The following PACC1 variants were observed in gnomAD, a reference collection of about 807,000 sequenced individuals.
PACC1 encodes the protein proton-activated chloride channel.
In PACC1, 34 loss-of-function variants were observed where a neutral mutation model predicts 39.7. The ratio of observed to expected loss-of-function variants is 0.86; its 90% CI spans 0.65 to 1.14. PACC1 has a LOEUF of 1.14. Ranked by LOEUF, PACC1 falls within the 50% of genes most tolerant of loss-of-function variation. PACC1 has a pLI of 0.00. For synonymous variants in PACC1, 127 were observed against 160.6 expected, an observed-to-expected ratio of 0.79 and a Z score of 1.58; for missense variants, 379 against 436.4, an observed-to-expected ratio of 0.87 and a Z score of 1.17.
rs1051000793 is a variant in PACC1 at position 212,364,889 on chromosome 1, T to G, written c.*326A>C. 1 of 163,686 alleles carries G rather than the reference T, an allele frequency of 6.1e-6. No homozygotes were observed. The highest frequency in any genetic ancestry group is 1.3e-5 in the Non-Finnish European group (1 of 76,182). The allele number at this position is 163,686 out of a possible 1,614,324, so 10.1% of individuals were successfully genotyped here. On this transcript the variant is annotated 3_prime_UTR_variant, in exon 8 of 8. Transcript: ENST00000261455. ...AGAGCCTTCATTACCCTAGTAGAGC[T>G]TAACCTAATACAATACAATGAACCA...
chr1:212,398,287 G>A lies in PACC1; in HGVS notation c.134-11187C>T, dbSNP rs117046347. 5.3e-5 allele frequency among the ~76,000 whole-genome samples: 8 copies of A among 152,310 alleles called. No individual in the cohort carries two copies. In the East Asian group the frequency reaches 1.5e-3, roughly 29 times the overall value. On this transcript the variant is annotated intron_variant, in intron 2 of 7. Transcript: ENST00000261455. ...ATAGTATCTTTCACATAGTAGGAAT[G>A]TAATGTTTCCATGTTTGTCGAATGA...
intron 4 of PACC1, 126 bp from the exon 5 acceptor site, chr1:212,380,163 A>G: frequency 5.3e-6 from 5 of 941,482 alleles, no homozygotes; most frequent in Non-Finnish European, 7.9e-6. Context: ...AGGGACCACT[A>G]GCCAACAACA....
chr1:212,364,013 C>T lies in PACC1; in HGVS notation c.*1202G>A, dbSNP rs563225384. The T allele has an allele frequency of 6.6e-6, 1 of 152,298 alleles. No homozygotes were observed. Among genetic ancestry groups the T allele is most frequent in the South Asian group, 2.1e-4 (1 of 4,828 alleles). The allele number at this position is 152,298 out of a possible 1,614,324, so 9.4% of individuals were successfully genotyped here. Reference sequence around the variant, plus strand: ...TGCCTATTCATACATTTGAGTTATTCCCTTTGGATTATCGGAAGCCAGATT... The same window carrying T: ...TGCCTATTCATACATTTGAGTTATTTCCTTTGGATTATCGGAAGCCAGATT... On this transcript the variant is annotated 3_prime_UTR_variant, in exon 8 of 8. Coordinates refer to ENST00000261455, the MANE Select transcript of PACC1 (RefSeq NM_018252.3).
chr1:212,367,272 T>G (rs1660279576), intron 7 of PACC1, among the ~76,000 whole-genome samples: 1 of 152,048 alleles, frequency 6.6e-6, no homozygotes, highest in Non-Finnish European at 1.5e-5. Flanking sequence ...AAAGACACAC[T>G]GAAGAAGAGT....
chr1:212,371,927 C>G (rs1414269205), intron 7 of PACC1, among the ~76,000 whole-genome samples: 1 of 152,082 alleles, frequency 6.6e-6, no homozygotes, highest in Non-Finnish European at 1.5e-5. Context: ...GAACAAAAAT[C>G]ATGTAATCAT....
At position 212,365,272 on chromosome 1, in the gene PACC1, G is replaced by C. The variant is rs771335748; in HGVS notation, c.996C>G (p.Ile332Met). The C allele has an allele frequency of 6.2e-7, 1 of 1,613,010 alleles. No individual in the cohort carries two copies. Among genetic ancestry groups the C allele is most frequent in the South Asian group, 1.1e-5 (1 of 90,964 alleles). ...EFAKLSIKWM[I>M]KIRKRYLKRR... Reference sequence around the variant, plus strand: ...TTTTAAGGTATCTCTTTCTAATTTTGATCATCCATTTTATACTCAGTTTGG... The same window carrying C: ...TTTTAAGGTATCTCTTTCTAATTTTCATCATCCATTTTATACTCAGTTTGG... Residue 332 changes from isoleucine to methionine, a missense_variant, in exon 8 of 8, where the codon ATC becomes ATG. Ile to Met is a conservative substitution (Grantham distance 10). Transcript: ENST00000261455.
intron 3 of PACC1, 81 bp from the exon 4 acceptor site, chr1:212,385,506 A>C (rs1481715247): frequency 2.0e-6 from 3 of 1,470,878 alleles, no homozygotes; most frequent in Non-Finnish European, 2.8e-6. Context: ...ACCTACCAAC[A>C]ACCTACGTTC....
At chr1:212,383,784 C>G (rs1458896075) in intron 4 of PACC1, among the ~76,000 whole-genome samples, 1 of 152,222 alleles carries the variant, frequency 6.6e-6, no homozygotes, top group Non-Finnish European at 1.5e-5. Flanking sequence ...GTGTTTTACT[C>G]TGGGAAGAGT....
chr1:212,383,060 C>A lies in PACC1; in HGVS notation c.495+2214G>T, dbSNP rs149404290. Among the ~76,000 whole-genome samples the A allele has an allele frequency of 5.3e-5, 8 of 152,330 alleles. No homozygotes were observed. The East Asian group carries it at 1.5e-3, about 29-fold the overall frequency. ...CATATTCTTCCTCCACTGCTATATGCTGGTTTGGGTAGGAAACTTGGTGGA... is the reference window on the plus strand; with the variant it reads ...CATATTCTTCCTCCACTGCTATATGATGGTTTGGGTAGGAAACTTGGTGGA... On this transcript the variant is annotated intron_variant, in intron 4 of 7. Transcript: ENST00000261455.
At position 212,365,253 on chromosome 1, in the gene PACC1, G is replaced by A; in HGVS notation, c.1015C>T (p.Leu339Phe). The A allele has an allele frequency of 6.2e-7, 1 of 1,613,684 alleles. No individual in the cohort carries two copies. Among genetic ancestry groups the A allele is most frequent in the South Asian group, 1.1e-5 (1 of 91,050 alleles). The part of the protein sequence containing the change: ...KWMIKIRKRY[L>F]KRRGQATSHI... ...CTCGTTGCCTGACCTCTTCTTTTAA[G>A]GTATCTCTTTCTAATTTTGATCATC... Residue 339 changes from leucine (L) to phenylalanine (F), a missense_variant, in exon 8 of 8, where the codon CTT becomes TTT. Physicochemically the swap from Leu to Phe is conservative, Grantham distance 22 (BLOSUM62 0). Transcript: ENST00000261455.
intron 1 of PACC1, 51 bp downstream of exon 1, chr1:212,414,671 G>C (rs1230607713): frequency 5.0e-6 from 8 of 1,609,562 alleles, no homozygotes; most frequent in Non-Finnish European, 1.7e-6. Flanking sequence ...AGGCCCCCGG[G>C]ACCCTGCTCC....
Position 212,386,789 on chromosome 1 carries a change from C to T in PACC1, c.343+102G>A. On this transcript the variant is annotated intron_variant, in intron 3 of 7. Transcript: ENST00000261455. This position sits in a 1 kb window ranked among gnomAD's most constrained non-coding sequence, Gnocchi z 5.0. ...GACTATGCTTGGTTGGACTCCTCTG[C>T]CCTGCCCGTAGTACCACAAATACAA... 1 of 1,183,450 alleles carries T rather than the reference C, an allele frequency of 8.4e-7. No individual in the cohort carries two copies. The allele number at this position is 1,183,450 out of a possible 1,614,324, so 73.3% of individuals were successfully genotyped here.
rs574254418 is a variant in PACC1 at position 212,395,687 on chromosome 1, A to T, written c.134-8587T>A. Among the ~76,000 whole-genome samples, 356 of 152,258 alleles carry T rather than the reference A, an allele frequency of 2.3e-3. 1 individual carries two copies. The highest frequency in any genetic ancestry group is 4.2e-3 in the Non-Finnish European group (285 of 68,014). On this transcript the variant is annotated intron_variant, in intron 2 of 7. Coordinates refer to ENST00000261455, the MANE Select transcript of PACC1 (RefSeq NM_018252.3). Reference sequence around the variant, plus strand: ...GGGAGAAAATTTTTGCAATCTACTCATCTGACAAAGGGCTAATATCCAGAA... The same window carrying T: ...GGGAGAAAATTTTTGCAATCTACTCTTCTGACAAAGGGCTAATATCCAGAA...
intron 6 of PACC1, among the ~76,000 whole-genome samples, chr1:212,376,120 T>A (rs1332713551): frequency 6.6e-6 from 1 of 152,110 alleles, no homozygotes; most frequent in Non-Finnish European, 1.5e-5. Context: ...TGAGATCTGG[T>A]TGTCAATTAC....
At chr1:212,400,332 T>C (rs1206521150) in intron 2 of PACC1, among the ~76,000 whole-genome samples, 1 of 152,206 alleles carries the variant, frequency 6.6e-6, no homozygotes, top group Non-Finnish European at 1.5e-5. Flanking sequence ...TACATGTTCC[T>C]GAAAATTCTA....
chr1:212,385,663 C>T lies in PACC1; in HGVS notation c.344-238G>A, dbSNP rs887470499. Among the ~76,000 whole-genome samples, 4 of 152,280 alleles carry T rather than the reference C, an allele frequency of 2.6e-5. No individual in the cohort carries two copies. In the East Asian group the frequency reaches 7.7e-4, roughly 29 times the overall value. Reference sequence around the variant, plus strand: ...CCCTGGCCAACCTGGGATCCAGCCGCCCTGATGCCCACATCAAAACCCACT... The same window carrying T: ...CCCTGGCCAACCTGGGATCCAGCCGTCCTGATGCCCACATCAAAACCCACT... On this transcript the variant is annotated intron_variant, in intron 3 of 7. Coordinates refer to ENST00000261455, the MANE Select transcript of PACC1 (RefSeq NM_018252.3).
At chr1:212,410,280 T>C in intron 2 of PACC1, 145 bp downstream of exon 2, 1 of 747,426 alleles carries the variant, frequency 1.3e-6, no homozygotes, top group Non-Finnish European at 2.4e-6. Flanking sequence ...TGGTTAAATA[T>C]GTATGGCTTT....
intron 4 of PACC1, among the ~76,000 whole-genome samples, chr1:212,380,287 G>A (rs746302122): frequency 6.6e-6 from 1 of 152,158 alleles, no homozygotes; most frequent in Non-Finnish European, 1.5e-5. Context: ...TTTGAGTTAT[G>A]GAAGCTCTTA....
intron 2 of PACC1, among the ~76,000 whole-genome samples, chr1:212,404,080 A>G (rs1395624964): frequency 6.6e-6 from 1 of 151,234 alleles, no homozygotes; most frequent in African/African-American, 2.4e-5. Flanking sequence ...TACTCCTCTT[A>G]CTGTCCTGTT....
Sources: gnomAD v4.1 joint callset for allele counts (sites outside exome capture counted in the v4.1 genomes callset) on GRCh38, gnomAD v4.1.1 for gene constraint, Gnocchi (gnomAD v3.1) non-coding constraint, MANE v1.5 for transcripts, NCBI Gene and HGNC (gene_info 2026-07-23, HGNC 2026-07-21) for gene names.